The following SPAG1 variants were observed in gnomAD, a reference collection of about 807,000 sequenced individuals.
SPAG1 encodes sperm-associated antigen 1.
A neutral mutation model predicts 100.5 loss-of-function variants in SPAG1; 69 were observed. That is an observed-to-expected ratio of 0.69 (90% CI 0.57 to 0.84). The LOEUF (loss-of-function observed/expected upper bound fraction) is 0.84. SPAG1 is among the 40% of genes least tolerant of loss of function. The pLI, the probability that SPAG1 is intolerant of heterozygous loss-of-function variation, is 0.00. For synonymous variants in SPAG1, 336 were observed against 411.6 expected (o/e 0.82, Z 2.22); for missense variants, 955 against 1,133.1 (o/e 0.84, Z 2.26).
In SPAG1 at chr8:100,172,664, G is replaced by A. The variant is rs139403575; in HGVS notation, c.301-5152G>A. On this transcript the variant is annotated intron_variant, in intron 3 of 18. Transcript: ENST00000388798. ...TGTGTGTGTGTGTGTGTGTGTGTGT[G>A]TGTATGTGTGTGTGTATGTATGTGT... Among the ~76,000 whole-genome samples, 703 of 139,506 alleles carry A rather than the reference G, an allele frequency of 5.0e-3. 6 individuals are homozygous for A. The highest frequency in any genetic ancestry group is 0.018 in the African/African-American group (686 of 38,822). The allele number at this position is 139,506 out of a possible 152,430, so 91.5% of individuals were successfully genotyped here.
In SPAG1 at chr8:100,194,103, A is replaced by AT; in HGVS notation, c.940-8dup. 1 of 1,430,418 alleles carries AT rather than the reference A, an allele frequency of 7.0e-7. No individual in the cohort carries two copies. The highest frequency in any genetic ancestry group is 2.3e-5 in the East Asian group (1 of 43,318). 88.6% of individuals were successfully genotyped at this position (1,430,418 alleles called of 1,614,324 possible). On this transcript the variant is annotated splice_polypyrimidine_tract_variant and intron_variant, in intron 9 of 18. Transcript: ENST00000388798. The stretch of plus-strand genomic sequence containing the variant: ...AAATATTTTCTTTAATATGGTAATT[A>AT]TGTTGCAGAAAACCTTGTCAGAGGT...
intron 16 of SPAG1, among the ~76,000 whole-genome samples, chr8:100,234,184 T>C (rs754649845): frequency 6.6e-6 from 1 of 152,204 alleles, no homozygotes; most frequent in Non-Finnish European, 1.5e-5. Flanking sequence ...CCAGAACATA[T>C]TGGAAAATAG....
chr8:100,226,073 T>C (rs1225834861), intron 14 of SPAG1, among the ~76,000 whole-genome samples: 7 of 150,634 alleles, frequency 4.6e-5, no homozygotes, highest in Non-Finnish European at 1.0e-4. Flanking sequence ...CTCGGCTCAC[T>C]GCAACCTCCA....
chr8:100,186,893 CT>C lies in SPAG1; in HGVS notation c.702-226del, dbSNP rs890165010. On this transcript the variant is annotated intron_variant, in intron 7 of 18. Transcript: ENST00000388798. ...ACCATTTTTATGGGATCTGGGCCCC[CT>C]CTCATGACTTCATTTCACCTTAATT... Among the ~76,000 whole-genome samples, 21 of 152,184 alleles carry C rather than the reference CT, an allele frequency of 1.4e-4. 1 individual carries two copies. The highest frequency in any genetic ancestry group is 4.6e-4 in the African/African-American group (19 of 41,512).
chr8:100,158,641 A>G (rs1815171877), intron 1 of SPAG1, 25 bp downstream of exon 1: 3 of 152,164 alleles, frequency 2.0e-5, no homozygotes, highest in African/African-American at 7.2e-5. Flanking sequence ...GCTACGAAAT[A>G]TGGGAGGTGG....
intron 9 of SPAG1, among the ~76,000 whole-genome samples, chr8:100,191,833 A>G (rs1429010595): frequency 1.3e-5 from 2 of 152,154 alleles, no homozygotes; most frequent in Non-Finnish European, 2.9e-5. Flanking sequence ...CTCTGTGGCC[A>G]TTGAAGAGTG....
intron 5 of SPAG1, among the ~76,000 whole-genome samples, 184 bp downstream of exon 5, chr8:100,183,620 C>T (rs1199110451): frequency 6.6e-6 from 1 of 151,916 alleles, no homozygotes; most frequent in Non-Finnish European, 1.5e-5. Context: ...ACATAAAAAA[C>T]TTCTACATCC....
chr8:100,161,047 G>A (rs1815284542), intron 1 of SPAG1, among the ~76,000 whole-genome samples: 2 of 152,122 alleles, frequency 1.3e-5, no homozygotes, highest in South Asian at 4.1e-4. Context: ...TTCTACAGAA[G>A]TACCTAGAAG....
At chr8:100,213,456 T>C (rs1033247930) in intron 11 of SPAG1, 28 bp downstream of exon 11, 69 of 1,374,188 alleles carry the variant, frequency 5.0e-5, no homozygotes, top group Non-Finnish European at 6.2e-5. Context: ...CGCCGCTTCC[T>C]GGGCCCCTCG....
intron 10 of SPAG1, among the ~76,000 whole-genome samples, chr8:100,198,989 G>A (rs1441914263): frequency 6.6e-6 from 1 of 152,184 alleles, no homozygotes; most frequent in Non-Finnish European, 1.5e-5. Context: ...ATTCCATTGT[G>A]TAGATAATAC....
In SPAG1 at chr8:100,241,054, T is replaced by C. The variant is rs772980905; in HGVS notation, c.*32T>C. The stretch of plus-strand genomic sequence containing the variant: ...ATAATTGTTAGATTTCTTCCATGCA[T>C]GTATGTGTTCCAGGAATGTTAATGA... On this transcript the variant is annotated 3_prime_UTR_variant, in exon 19 of 19. Transcript: ENST00000388798. This position sits in a 1 kb window ranked among gnomAD's most constrained non-coding sequence, Gnocchi z 5.1. The C allele has an allele frequency of 1.2e-6, 2 of 1,603,462 alleles. No homozygotes were observed. Among genetic ancestry groups the C allele is most frequent in the South Asian group, 1.1e-5 (1 of 89,288 alleles).
intron 16 of SPAG1, among the ~76,000 whole-genome samples, chr8:100,238,019 A>G (rs1306248852): frequency 6.6e-6 from 1 of 152,166 alleles, no homozygotes; most frequent in Admixed American, 6.5e-5. Flanking sequence ...AATAGAAGTT[A>G]ATATTTGTAG....
At position 100,176,365 on chromosome 8, in the gene SPAG1, C is replaced by T. The variant is rs367613003; in HGVS notation, c.301-1451C>T. On this transcript the variant is annotated intron_variant, in intron 3 of 18. Transcript: ENST00000388798. ...TAGGAATGTCTTTCTTTTTTTTTTT[C>T]TTTCTTTCTTTTTTTTTTGAGACTG... is the stretch of plus-strand genomic sequence containing the variant. 7.0e-3 allele frequency among the ~76,000 whole-genome samples: 991 copies of T among 140,656 alleles called. 12 individuals are homozygous for T. The highest frequency in any genetic ancestry group is 0.024 in the African/African-American group (917 of 38,088). 92.3% of individuals were successfully genotyped at this position (140,656 alleles called of 152,430 possible).
Position 100,165,438 on chromosome 8 carries a change from G to A in SPAG1, c.141-376G>A, listed in dbSNP as rs533931426. On this transcript the variant is annotated intron_variant, in intron 2 of 18. Transcript: ENST00000388798. ...AGAGTACTTTGTACGCCAGCCGCGG[G>A]TCAGACCTCAGAGTGATCTTAAAGG... 4.0e-4 allele frequency: 164 copies of A among 410,534 alleles called. 1 individual carries two copies. The highest frequency in any genetic ancestry group is 2.9e-3 in the South Asian group (159 of 53,916). The allele number at this position is 410,534 out of a possible 1,614,324, so 25.4% of individuals were successfully genotyped here.
In SPAG1 at chr8:100,204,088, T is replaced by C. The variant is rs1238541578; in HGVS notation, c.1097-9002T>C. Among the ~76,000 whole-genome samples the C allele has an allele frequency of 3.3e-5, 5 of 152,322 alleles. No individual in the cohort carries two copies. In the South Asian group the frequency reaches 8.3e-4, roughly 25 times the overall value. On this transcript the variant is annotated intron_variant, in intron 10 of 18. Coordinates refer to ENST00000388798, the MANE Select transcript of SPAG1 (RefSeq NM_003114.5). Reference sequence around the variant, plus strand: ...CCCAGTAGTGGCAACATCCCCTCCCTGATCCATGCTGCCATCAGCCTTTCC... The same window carrying C: ...CCCAGTAGTGGCAACATCCCCTCCCCGATCCATGCTGCCATCAGCCTTTCC...
intron 2 of SPAG1, chr8:100,165,207 C>A: frequency 2.0e-6 from 1 of 504,714 alleles, no homozygotes. Context: ...ATTGTATGTT[C>A]CAAGCAGCCG....
intron 7 of SPAG1, 59 bp downstream of exon 7, chr8:100,184,792 T>A: frequency 2.1e-6 from 2 of 948,766 alleles, no homozygotes; most frequent in Non-Finnish European, 3.2e-6. Flanking sequence ...ATGTTTTAAT[T>A]GTTGAAACAA....
intron 10 of SPAG1, among the ~76,000 whole-genome samples, chr8:100,202,688 C>T (rs1465812996): frequency 2.1e-4 from 24 of 111,940 alleles, no homozygotes; most frequent in African/African-American, 6.7e-4. Context: ...CCAGCCTGGG[C>T]GACAGAGCGA....
At chr8:100,192,556 A>G (rs1409359669) in intron 9 of SPAG1, among the ~76,000 whole-genome samples, 1 of 152,206 alleles carries the variant, frequency 6.6e-6, no homozygotes, top group African/African-American at 2.4e-5. Context: ...ATAGTCAGAA[A>G]TAAGAGAAAC....
Sources: allele counts gnomAD v4.1 joint callset (sites outside exome capture counted in the v4.1 genomes callset), GRCh38; gene constraint gnomAD v4.1.1; non-coding constraint Gnocchi (gnomAD v3.1); transcripts MANE v1.5; gene names NCBI Gene and HGNC (gene_info 2026-07-23, HGNC 2026-07-21).